CD300LG: variants seen among roughly 807,000 people sequenced by gnomAD.
CD300LG encodes the protein CMRF35-like molecule 9.
A neutral mutation model predicts 31.5 loss-of-function variants in CD300LG; 29 were observed. That is an observed-to-expected ratio of 0.92 (90% CI 0.68 to 1.25). CD300LG has a LOEUF of 1.25. CD300LG is among the 50% of genes most tolerant of loss of function. The pLI is 0.00. For synonymous variants in CD300LG, 175 were observed against 177.2 expected, an observed-to-expected ratio of 0.99 and a Z score of 0.10; for missense variants, 396 against 417.6, an observed-to-expected ratio of 0.95 and a Z score of 0.45.
chr17:43,851,315 T>C (rs540343286), intron 2 of CD300LG, among the ~76,000 whole-genome samples: 9 of 152,300 alleles, frequency 5.9e-5, no homozygotes, highest in Admixed American at 5.9e-4. Context: ...TCCGAAACTT[T>C]TTGTGTGCCA....
At position 43,847,233 on chromosome 17, in the gene CD300LG, T is replaced by C; in HGVS notation, c.17T>C (p.Leu6Pro). 1 of 1,613,954 alleles carries C rather than the reference T, an allele frequency of 6.2e-7. No individual in the cohort carries two copies. Among genetic ancestry groups the C allele is most frequent in the Non-Finnish European group, 8.5e-7 (1 of 1,179,922 alleles). Reference protein sequence around the residue: MRLLVLLWGCLLLPGY... With the variant: MRLLVPLWGCLLLPGY... ...GCGCCCAGAATGCGGCTTCTGGTCC[T>C]GCTATGGGGTTGCCTGCTGCTCCCA... is the stretch of plus-strand genomic sequence containing the variant. Residue 6 changes from leucine to proline, a missense_variant, in exon 1 of 7, where the codon CTG (leucine) becomes CCG (proline). Physicochemically the swap from Leu to Pro is moderately conservative, Grantham distance 98 (BLOSUM62 -3). Coordinates refer to ENST00000317310, the MANE Select transcript of CD300LG (RefSeq NM_145273.4).
At chr17:43,848,323 A>T (rs2046244771) in intron 1 of CD300LG, among the ~76,000 whole-genome samples, 1 of 152,202 alleles carries the variant, frequency 6.6e-6, no homozygotes, top group Admixed American at 6.5e-5. Flanking sequence ...TTCTATCTGA[A>T]TCTAGAACGC....
chr17:43,862,568 T>A lies in CD300LG; in HGVS notation c.*657T>A, dbSNP rs1175149358. 2 of 152,242 alleles carry A rather than the reference T, an allele frequency of 1.3e-5. No individual in the cohort carries two copies. The highest frequency in any genetic ancestry group is 2.9e-5 in the Non-Finnish European group (2 of 68,078). 9.4% of individuals were successfully genotyped at this position (152,242 alleles called of 1,614,324 possible). A position where few individuals can be genotyped will look rare whatever the true frequency, so the allele number is the denominator to read the frequency against. ...TGAGTTTGAGGGCCAGTGGGCCTGATGAACGCTCAGACCCCTCCAGCTTAG... is the reference window on the plus strand; with the variant it reads ...TGAGTTTGAGGGCCAGTGGGCCTGAAGAACGCTCAGACCCCTCCAGCTTAG... On this transcript the variant is annotated 3_prime_UTR_variant, in exon 7 of 7. Coordinates refer to ENST00000317310, the MANE Select transcript of CD300LG (RefSeq NM_145273.4).
At chr17:43,849,012 G>A (rs780975961) in intron 2 of CD300LG, 119 bp downstream of exon 2, 13 of 889,108 alleles carry the variant, frequency 1.5e-5, no homozygotes, top group South Asian at 1.0e-4. Context: ...GGGAGATCAT[G>A]CAGGTCAAGC....
intron 6 of CD300LG, 106 bp downstream of exon 6, chr17:43,857,262 G>T: frequency 1.4e-6 from 2 of 1,462,570 alleles, no homozygotes; most frequent in Non-Finnish European, 1.9e-6. Context: ...CTCCTTGCCT[G>T]ACCTAGAGGC....
chr17:43,848,989 C>A, intron 2 of CD300LG, 96 bp downstream of exon 2: 2 of 1,081,892 alleles, frequency 1.8e-6, no homozygotes, highest in Non-Finnish European at 2.7e-6. Context: ...ACATTATGGG[C>A]ACTGAGTCCT....
chr17:43,854,104 G>A (rs1331128826), intron 4 of CD300LG, 60 bp downstream of exon 4: 1 of 1,257,796 alleles, frequency 8.0e-7, no homozygotes, highest in African/African-American at 1.5e-5. Context: ...AGGTGCCTTT[G>A]AGAAAATAGG....
At chr17:43,853,449 G>T (rs1473966387) in intron 3 of CD300LG, among the ~76,000 whole-genome samples, 1 of 152,168 alleles carries the variant, frequency 6.6e-6, no homozygotes, top group Non-Finnish European at 1.5e-5. Context: ...TGAGGAAGGA[G>T]GTGACAATTG....
intron 5 of CD300LG, 75 bp from the exon 6 acceptor site, chr17:43,857,029 C>A: frequency 1.3e-6 from 2 of 1,497,572 alleles, no homozygotes; most frequent in African/African-American, 1.4e-5. Flanking sequence ...GCCAGTCCAC[C>A]TTTCTGGGAG....
chr17:43,849,014 A>T, intron 2 of CD300LG, 121 bp downstream of exon 2: 1 of 890,430 alleles, frequency 1.1e-6, no homozygotes, highest in African/African-American at 1.7e-5. Flanking sequence ...GAGATCATGC[A>T]GGTCAAGCAC....
intron 2 of CD300LG, among the ~76,000 whole-genome samples, chr17:43,851,199 T>C (rs1232842033): frequency 6.6e-6 from 1 of 151,190 alleles, no homozygotes; most frequent in Non-Finnish European, 1.5e-5. Flanking sequence ...ATAAATACTC[T>C]GTATTTGCAA....
chr17:43,850,231 G>A (rs1024856807), intron 2 of CD300LG, among the ~76,000 whole-genome samples: 9 of 152,154 alleles, frequency 5.9e-5, no homozygotes, highest in African/African-American at 2.2e-4. Flanking sequence ...TTTCTGTGGT[G>A]TCCATTTCTG....
At position 43,855,242 on chromosome 17, in the gene CD300LG, T is replaced by A; in HGVS notation, c.755T>A (p.Val252Asp). The A allele has an allele frequency of 6.2e-7, 1 of 1,610,454 alleles. No individual in the cohort carries two copies. Among genetic ancestry groups the A allele is most frequent in the Non-Finnish European group, 8.5e-7 (1 of 1,178,910 alleles). Reference protein sequence around the residue: ...SIPMVRILAPVLVLLSLLSAA... With the variant: ...SIPMVRILAPDLVLLSLLSAA... ...CCGATGGTCCGCATACTGGCCCCAGTCCTGGTGCTGCTGAGCCTTCTGTCA... is the reference window on the plus strand; with the variant it reads ...CCGATGGTCCGCATACTGGCCCCAGACCTGGTGCTGCTGAGCCTTCTGTCA... The change falls in exon 5 of 7, where the codon GTC becomes GAC. Residue 252 changes from valine to aspartate, a missense_variant. Physicochemically the swap from Val to Asp is radical, Grantham distance 152. Transcript: ENST00000317310.
intron 2 of CD300LG, 59 bp downstream of exon 2, chr17:43,848,952 G>T: frequency 6.9e-7 from 1 of 1,443,566 alleles, no homozygotes; most frequent in East Asian, 2.3e-5. Context: ...GAAGAGGGAG[G>T]GGTGGTGGGG....
intron 2 of CD300LG, among the ~76,000 whole-genome samples, chr17:43,850,875 G>A (rs931508520): frequency 3.9e-5 from 6 of 152,054 alleles, no homozygotes; most frequent in Admixed American, 3.3e-4. Context: ...GGTGGCTCAC[G>A]CCTGTAATCC....
chr17:43,848,009 G>A (rs1043104503), intron 1 of CD300LG, among the ~76,000 whole-genome samples: 22 of 152,182 alleles, frequency 1.4e-4, no homozygotes, highest in African/African-American at 5.3e-4. Context: ...TTGGGAGGCT[G>A]AGGCGGACGG....
Position 43,861,910 on chromosome 17 carries a change from A to G in CD300LG, c.998A>G (p.Ter333TrpextTer11), listed in dbSNP as rs151016843. Reference protein sequence around the residue: ...ELGFSKFVSA* With the variant: ...ELGFSKFVSAW Reference sequence around the variant, plus strand: ...GGCTTCTCGAAGTTTGTCTCAGCGTAGGGCAGGAGGCCCTCCTGGCCAGGC... The same window carrying G: ...GGCTTCTCGAAGTTTGTCTCAGCGTGGGGCAGGAGGCCCTCCTGGCCAGGC... Residue 333 changes from the stop codon to tryptophan (W), a stop_lost, in exon 7 of 7, where the codon TAG becomes TGG. Coordinates refer to ENST00000317310, the MANE Select transcript of CD300LG (RefSeq NM_145273.4). 4.8e-5 allele frequency: 77 copies of G among 1,604,128 alleles called. 2 individuals are homozygous for G. The African/African-American group carries it at 9.8e-4, about 20-fold the overall frequency.
chr17:43,852,956 G>A lies in CD300LG; in HGVS notation c.424G>A (p.Ala142Thr). 1 of 1,612,886 alleles carries A rather than the reference G, an allele frequency of 6.2e-7. No individual in the cohort carries two copies. The highest frequency in any genetic ancestry group is 8.5e-7 in the Non-Finnish European group (1 of 1,179,456). The change falls in exon 3 of 7, where the codon GCT (alanine) becomes ACT (threonine). Residue 142 changes from alanine (A) to threonine (T), a missense_variant. Ala to Thr is a moderately conservative substitution (Grantham distance 58, BLOSUM62 0). Coordinates refer to ENST00000317310, the MANE Select transcript of CD300LG (RefSeq NM_145273.4). ...PSPSPTFQPL[A>T]TTRLQPKAKA... ...CCCTTCTCCCACCTTCCAGCCTCTG[G>A]CTACAACACGCCTGCAGCCCAAGGC...
intron 6 of CD300LG, chr17:43,858,004 A>T: frequency 6.8e-7 from 1 of 1,471,500 alleles, no homozygotes; most frequent in Non-Finnish European, 8.9e-7. Flanking sequence ...AGGGGGCTGC[A>T]GCATCGCACT....
Sources: gnomAD v4.1 joint callset for allele counts (sites outside exome capture counted in the v4.1 genomes callset) on GRCh38, gnomAD v4.1.1 for gene constraint, MANE v1.5 for transcripts, NCBI Gene and HGNC (gene_info 2026-07-23, HGNC 2026-07-21) for gene names.